FDXR: variants seen among roughly 807,000 people sequenced by gnomAD.
FDXR encodes the protein ferredoxin reductase.
Under a neutral mutation model 58.3 loss-of-function variants are expected in FDXR, and 38 were observed. The observed-to-expected ratio is 0.65, with a 90% CI of 0.50 to 0.85. The LOEUF (loss-of-function observed/expected upper bound fraction) is 0.85, where lower values mean the gene tolerates loss of function less well. Ranked by LOEUF, FDXR falls within the 40% of genes least tolerant of loss-of-function variation. FDXR has a pLI of 0.00. For missense variants in FDXR, 624 were observed against 671.0 expected, an observed-to-expected ratio of 0.93 and a Z score of 0.77; for synonymous variants, 275 against 273.8, an observed-to-expected ratio of 1.00 and a Z score of -0.04.
chr17:74,868,394 C>T, intron 2 of FDXR: 1 of 696,062 alleles, frequency 1.4e-6, no homozygotes, highest in African/African-American at 1.7e-5. Flanking sequence ...CGGGGTGCAA[C>T]CTACTCTGAG....
At chr17:74,867,998 C>T (rs1324375018) in intron 2 of FDXR, among the ~76,000 whole-genome samples, 1 of 152,036 alleles carries the variant, frequency 6.6e-6, no homozygotes, top group Non-Finnish European at 1.5e-5. Context: ...CCCGCTATGA[C>T]ACCTCCAGCT....
chr17:74,868,784 T>C, intron 2 of FDXR: 1 of 1,462,692 alleles, frequency 6.8e-7, no homozygotes, highest in East Asian at 2.5e-5. Flanking sequence ...CCCTCCCTCC[T>C]CCCTGAGGAT....
Position 74,862,873 on chromosome 17 carries a change from T to TC in FDXR, c.1419dup (p.Lys474GlufsTer43). 6.2e-7 allele frequency: 1 copy of TC among 1,613,158 alleles called. No homozygotes were observed. The highest frequency in any genetic ancestry group is 1.1e-5 in the South Asian group (1 of 91,084). ...GGATCCACCAGCTTCTCCCTGGGCT[T>TC]CCCCGTGCCCTGGCCCCGGGCCACC... On this transcript the variant is annotated frameshift_variant, in exon 12 of 12. Transcript: ENST00000293195. LOFTEE classifies it high-confidence loss of function.
At chr17:74,868,776 C>T in intron 2 of FDXR, 1 of 1,470,428 alleles carries the variant, frequency 6.8e-7, no homozygotes, top group Non-Finnish European at 9.0e-7. Context: ...ATTGGCCCCC[C>T]TCCCTCCTCC....
Position 74,864,067 on chromosome 17 carries a change from C to T in FDXR, c.1003G>A (p.Gly335Ser). 2 of 1,613,842 alleles carry T rather than the reference C, an allele frequency of 1.2e-6. No homozygotes were observed. Among genetic ancestry groups the T allele is most frequent in the Non-Finnish European group, 1.7e-6 (2 of 1,180,036 alleles). Residue 335 changes from glycine to serine, a missense_variant and splice_region_variant, in exon 10 of 12, where the codon GGT becomes AGT. Transcript: ENST00000293195. ...ACTGCACGGGTGGCCTCATCGACAC[C>T]CTGTTGGGGAGAGTGTGGGCAACAC... ...GVRLAVTRLEGVDEATRAVPT... is the reference protein window; with the variant it reads ...GVRLAVTRLESVDEATRAVPT...
intron 4 of FDXR, 92 bp from the exon 5 acceptor site, chr17:74,866,336 A>G: frequency 6.4e-7 from 1 of 1,569,450 alleles, no homozygotes; most frequent in African/African-American, 1.4e-5. Flanking sequence ...GCCTCCTTCC[A>G]GCTTCTCAGC....
At chr17:74,863,000 GC>G in intron 11 of FDXR, 53 bp from the exon 12 acceptor site, 1 of 1,603,246 alleles carries the variant, frequency 6.2e-7, no homozygotes, top group Non-Finnish European at 8.5e-7. Context: ...TCCCAGAACA[GC>G]CCCCTCCCAA....
chr17:74,870,564 C>T (rs1162840011), intron 2 of FDXR, among the ~76,000 whole-genome samples: 6 of 132,662 alleles, frequency 4.5e-5, no homozygotes, highest in Non-Finnish European at 9.4e-5. Context: ...AGCTTACTCT[C>T]CTCCCTTCCA....
At position 74,862,859 on chromosome 17, in the gene FDXR, C is replaced by T. The variant is rs372311236; in HGVS notation, c.1434G>A (p.Lys478=). ...RGQGTGKPRE[K]LVDPQEMLRL... is the part of the protein sequence containing the mutation. ...GCAGCATCTCCTGAGGATCCACCAG[C>T]TTCTCCCTGGGCTTCCCCGTGCCCT... is the stretch of plus-strand genomic sequence containing the variant. The change falls in exon 12 of 12, where the codon AAG becomes AAA. Residue 478 remains lysine, a synonymous_variant. Transcript: ENST00000293195. The T allele has an allele frequency of 5.0e-6, 8 of 1,612,944 alleles. No individual in the cohort carries two copies. The highest frequency in any genetic ancestry group is 1.3e-5 in the African/African-American group (1 of 74,954).
intron 2 of FDXR, chr17:74,868,771 C>T (rs1225937676): frequency 6.1e-6 from 9 of 1,472,736 alleles, no homozygotes; most frequent in Non-Finnish European, 8.1e-6. Context: ...TTCCGATTGG[C>T]CCCCCTCCCT....
intron 11 of FDXR, 22 bp downstream of exon 11, chr17:74,863,054 A>C: frequency 6.2e-7 from 1 of 1,607,562 alleles, no homozygotes; most frequent in Non-Finnish European, 8.5e-7. Flanking sequence ...ACCTCCCAGG[A>C]CCTCAGCATC....
chr17:74,871,470 C>T (rs922943093), intron 2 of FDXR, among the ~76,000 whole-genome samples: 1 of 152,228 alleles, frequency 6.6e-6, no homozygotes, highest in Non-Finnish European at 1.5e-5. Flanking sequence ...TGTGGAGTCT[C>T]AAGTAGAACC....
Position 74,862,715 on chromosome 17 carries a change from G to A in FDXR, c.*102C>T. ...GCAGCCAAGCCTCCAAGCCAGGGCC[G>A]GCCGGGATCAGCAGAGGTGCAAAGT... On this transcript the variant is annotated 3_prime_UTR_variant, in exon 12 of 12. Transcript: ENST00000293195. The A allele has an allele frequency of 1.4e-6, 2 of 1,445,076 alleles. No individual in the cohort carries two copies. The highest frequency in any genetic ancestry group is 1.8e-6 in the Non-Finnish European group (2 of 1,086,802). The allele number at this position is 1,445,076 out of a possible 1,614,324, so 89.5% of individuals were successfully genotyped here.
At position 74,872,882 on chromosome 17, in the gene FDXR, G is replaced by A. The variant is rs1299178651; in HGVS notation, c.63C>T (p.Pro21=). 1.3e-6 allele frequency: 2 copies of A among 1,549,482 alleles called. No homozygotes were observed. The highest frequency in any genetic ancestry group is 1.7e-6 in the Non-Finnish European group (2 of 1,147,624). Residue 21 remains proline (P), a synonymous_variant, in exon 1 of 12, where the codon CCC becomes CCT. Coordinates refer to ENST00000293195, the MANE Select transcript of FDXR (RefSeq NM_024417.5). ...TGCTCCTACTCGGGGTGCTCCCGGC[G>A]GGAGGCAGCCGGGTCCGAGGCCACG... ...WSAWPRTRLP[P]AGSTPSFCHH...
At chr17:74,863,376 G>C in intron 10 of FDXR, 130 bp from the exon 11 acceptor site, 1 of 858,890 alleles carries the variant, frequency 1.2e-6, no homozygotes, top group Non-Finnish European at 1.8e-6. Flanking sequence ...TGTCGGCTGA[G>C]CCTGCTGTGG....
At chr17:74,865,607 C>CA in intron 6 of FDXR, 112 bp downstream of exon 6, 1 of 688,030 alleles carries the variant, frequency 1.5e-6, no homozygotes, top group Non-Finnish European at 2.5e-6. Context: ...CACGGGGAAA[C>CA]AGAGGCACTG....
intron 2 of FDXR, chr17:74,868,864 GC>G: frequency 1.1e-6 from 1 of 904,880 alleles, no homozygotes; most frequent in Non-Finnish European, 1.6e-6. Context: ...TCTCTCTCCT[GC>G]CCAGACATCT....
At position 74,864,479 on chromosome 17, in the gene FDXR, C is replaced by T; in HGVS notation, c.802+1G>A. 2 of 1,613,900 alleles carry T rather than the reference C, an allele frequency of 1.2e-6. No individual in the cohort carries two copies. The highest frequency in any genetic ancestry group is 1.7e-6 in the Non-Finnish European group (2 of 1,179,776). On this transcript the variant is annotated splice_donor_variant, in intron 8 of 11. Coordinates refer to ENST00000293195, the MANE Select transcript of FDXR (RefSeq NM_024417.5). LOFTEE classifies it high-confidence loss of function. ...TGGGGGGCCAGGCCAGGGCCCCTCA[C>T]CCTTGATCTTGTCCTGGAGACCCAA...
At position 74,867,609 on chromosome 17, in the gene FDXR, G is replaced by A. The variant is rs12945843; in HGVS notation, c.178-733C>T. Among the ~76,000 whole-genome samples the A allele has an allele frequency of 1.6e-3, 236 of 152,222 alleles. 2 individuals carry two copies. Among genetic ancestry groups the A allele is most frequent in the Non-Finnish European group, 8.1e-4 (55 of 68,014 alleles). On this transcript the variant is annotated intron_variant, in intron 2 of 11. Transcript: ENST00000293195. The stretch of plus-strand genomic sequence containing the variant: ...GAGCAGCAGGACAGGGAGGGGGCAC[G>A]GCTGGGAATTCACGGGAAAGAGAGG...
Sources: allele counts gnomAD v4.1 joint callset (sites outside exome capture counted in the v4.1 genomes callset), GRCh38; gene constraint gnomAD v4.1.1; transcripts MANE v1.5; gene names NCBI Gene and HGNC (gene_info 2026-07-23, HGNC 2026-07-21).